The following FMN2 variants were observed in gnomAD, a reference collection of about 807,000 sequenced individuals.
FMN2 encodes the protein formin 2.
In FMN2, 51 loss-of-function variants were observed where a neutral mutation model predicts 142.3. The observed-to-expected ratio is 0.36, with a 90% confidence interval of 0.29 to 0.45. The LOEUF is 0.45. Ranked by LOEUF, FMN2 falls within the 20% of genes least tolerant of loss-of-function variation. The probability of loss-of-function intolerance (pLI) is 1.00; values close to 1 mark genes in which losing one functional copy is unlikely to be tolerated. For missense variants in FMN2, 1,936 were observed against 2,122.8 expected (o/e 0.91, Z 1.73); for synonymous variants, 882 against 869.8 (o/e 1.01, Z -0.25).
chr1:240,267,641 A>G (rs1403365418), intron 7 of FMN2, among the ~76,000 whole-genome samples: 1 of 151,896 alleles, frequency 6.6e-6, no homozygotes, highest in Non-Finnish European at 1.5e-5. Flanking sequence ...TTAAAAAAAA[A>G]AAAAAAAGAG....
chr1:240,453,610 G>A (rs550563578), intron 16 of FMN2, among the ~76,000 whole-genome samples: 67 of 152,272 alleles, frequency 4.4e-4, no homozygotes, highest in African/African-American at 1.6e-3. Context: ...GAACTGGACA[G>A]AATGAGGAAG....
At chr1:240,185,561 A>G (rs926249676) in intron 3 of FMN2, among the ~76,000 whole-genome samples, 1 of 152,248 alleles carries the variant, frequency 6.6e-6, no homozygotes, top group African/African-American at 2.4e-5. Context: ...TTGCTGATGC[A>G]TCTTTCTAAT....
chr1:240,410,751 T>G (rs1246420665), intron 15 of FMN2, among the ~76,000 whole-genome samples: 1 of 152,224 alleles, frequency 6.6e-6, no homozygotes, highest in African/African-American at 2.4e-5. Context: ...TATCGTCGTG[T>G]TTTTACACAT....
chr1:240,155,353 A>C (rs1393606923), intron 2 of FMN2, among the ~76,000 whole-genome samples: 1 of 152,138 alleles, frequency 6.6e-6, no homozygotes, highest in African/African-American at 2.4e-5. Flanking sequence ...ATCATGGCTT[A>C]CTGTAGCTTC....
chr1:240,214,850 G>GAGCCC (rs1268169644), intron 6 of FMN2, among the ~76,000 whole-genome samples: 1 of 152,170 alleles, frequency 6.6e-6, no homozygotes, highest in African/African-American at 2.4e-5. Flanking sequence ...TGGATGGCTT[G>GAGCCC]AGCCCAGGAT....
intron 13 of FMN2, among the ~76,000 whole-genome samples, chr1:240,348,679 G>A (rs79725608): frequency 1.3e-5 from 2 of 152,086 alleles, no homozygotes; most frequent in Non-Finnish European, 1.5e-5. Context: ...TCATGAAGGA[G>A]CACTGACCTT....
At chr1:240,184,381 T>C (rs552740891) in intron 3 of FMN2, among the ~76,000 whole-genome samples, 43 of 151,302 alleles carry the variant, frequency 2.8e-4, no homozygotes, top group East Asian at 2.6e-3. Flanking sequence ...GGACTGCAGG[T>C]GCCCACCACC....
chr1:240,470,561 T>G (rs185997215), intron 16 of FMN2, among the ~76,000 whole-genome samples: 2 of 152,344 alleles, frequency 1.3e-5, no homozygotes, highest in East Asian at 3.9e-4. Flanking sequence ...GTTTGTTTGA[T>G]TCTATTGTTT....
chr1:240,433,363 G>A (rs1439529628), intron 15 of FMN2, among the ~76,000 whole-genome samples: 1 of 152,186 alleles, frequency 6.6e-6, no homozygotes, highest in Non-Finnish European at 1.5e-5. Context: ...AATGTTAGGA[G>A]AAATAGATGC....
rs869026471 is a variant in FMN2 at position 240,290,780 on chromosome 1, G to GTTTTTTTTTT, written c.4154-4039_4154-4030dup. Among the ~76,000 whole-genome samples the GTTTTTTTTTT allele has an allele frequency of 2.9e-4, 29 of 100,214 alleles. 3 individuals are homozygous for GTTTTTTTTTT. Among genetic ancestry groups the GTTTTTTTTTT allele is most frequent in the African/African-American group, 5.0e-4 (11 of 21,824 alleles). The allele number at this position is 100,214 out of a possible 152,430, so 65.7% of individuals were successfully genotyped here. ...GTCTGGAGTGATGTCTGTTTGTTTGGTTTTTTTTTTTTGTTTTTTTTTTTT... is the reference window on the plus strand; with the variant it reads ...GTCTGGAGTGATGTCTGTTTGTTTGGTTTTTTTTTTTTTTTTTTTTTTGTTTTTTTTTTTT... On this transcript the variant is annotated intron_variant, in intron 7 of 17. Transcript: ENST00000319653.
intron 7 of FMN2, among the ~76,000 whole-genome samples, chr1:240,278,164 T>G (rs1669280488): frequency 6.6e-6 from 1 of 152,204 alleles, no homozygotes; most frequent in Non-Finnish European, 1.5e-5. Flanking sequence ...TTCATAACTA[T>G]ATAAACAGGC....
intron 16 of FMN2, among the ~76,000 whole-genome samples, chr1:240,450,266 A>T (rs1197066573): frequency 6.6e-6 from 1 of 152,200 alleles, no homozygotes; most frequent in Non-Finnish European, 1.5e-5. Flanking sequence ...ACTATAATTT[A>T]TTAATACATA....
chr1:240,156,936 G>A (rs1002666941), intron 2 of FMN2, among the ~76,000 whole-genome samples: 2 of 152,292 alleles, frequency 1.3e-5, no homozygotes, highest in East Asian at 1.9e-4. Flanking sequence ...TGCTATTTGA[G>A]CAAGCTTTTG....
chr1:240,425,705 G>T (rs1227797443), intron 15 of FMN2, among the ~76,000 whole-genome samples: 1 of 152,204 alleles, frequency 6.6e-6, no homozygotes, highest in African/African-American at 2.4e-5. Flanking sequence ...TGTTGAGAAG[G>T]AGATCCAAGA....
intron 2 of FMN2, chr1:240,145,001 A>C: frequency 7.7e-7 from 1 of 1,303,344 alleles, no homozygotes. Flanking sequence ...AACAGAGATG[A>C]TGTCAGCAGC....
chr1:240,415,684 G>A (rs968559144), intron 15 of FMN2, among the ~76,000 whole-genome samples: 1 of 152,132 alleles, frequency 6.6e-6, no homozygotes, highest in African/African-American at 2.4e-5. Flanking sequence ...GAAAGCATTA[G>A]TCATAATACA....
At chr1:240,167,761 C>A (rs1206273939) in intron 2 of FMN2, among the ~76,000 whole-genome samples, 1 of 152,276 alleles carries the variant, frequency 6.6e-6, no homozygotes, top group Non-Finnish European at 1.5e-5. Flanking sequence ...ATGATTACAG[C>A]TACATAAAAC....
chr1:240,202,730 C>T (rs1198555445), intron 4 of FMN2, among the ~76,000 whole-genome samples: 1 of 152,178 alleles, frequency 6.6e-6, no homozygotes, highest in African/African-American at 2.4e-5. Context: ...TCGGAAAGTG[C>T]TGGGATTACA....
chr1:240,232,369 C>T (rs1211634230), intron 6 of FMN2, among the ~76,000 whole-genome samples: 1 of 151,550 alleles, frequency 6.6e-6, no homozygotes, highest in Non-Finnish European at 1.5e-5. Context: ...GCATTACAGG[C>T]GTGAGCCACT....
Sources: gnomAD v4.1 joint callset for allele counts (sites outside exome capture counted in the v4.1 genomes callset) on GRCh38, gnomAD v4.1.1 for gene constraint, MANE v1.5 for transcripts, NCBI Gene and HGNC (gene_info 2026-07-23, HGNC 2026-07-21) for gene names.